SEC14L5: variants seen among roughly 807,000 people sequenced by gnomAD.
The protein encoded by SEC14L5 is SEC14 like lipid binding 5, also known as SEC14-like protein 5.
Under a neutral mutation model 84.6 loss-of-function variants are expected in SEC14L5, and 96 were observed. The observed-to-expected ratio is 1.13, with a 90% CI of 0.96 to 1.34. The LOEUF is 1.34. Among genes scored for constraint, SEC14L5 ranks in the 40% most tolerant of loss-of-function variants. The probability of loss-of-function intolerance (pLI) is 0.00; values close to 1 mark genes in which losing one functional copy is unlikely to be tolerated. For synonymous variants in SEC14L5, 546 were observed against 383.4 expected (o/e 1.42, Z -4.95); for missense variants, 1,224 against 942.5 (o/e 1.30, Z -3.91).
rs564625110 is a variant in SEC14L5 at position 5,004,582 on chromosome 16, G to A, written c.1302+1009G>A. Among the ~76,000 whole-genome samples the A allele has an allele frequency of 3.3e-5, 5 of 152,234 alleles. No homozygotes were observed. In the East Asian group the frequency reaches 9.7e-4, roughly 30 times the overall value. On this transcript the variant is annotated intron_variant, in intron 11 of 15. Transcript: ENST00000251170. ...AGAATCCTGGGGAAAGCTGGGACAG[G>A]GGTGGGGGCAGGGAGCTACTGGGGG...
At chr16:4,987,514 C>T (rs781246424) in intron 2 of SEC14L5, 43 bp from the exon 3 acceptor site, 3 of 1,441,020 alleles carry the variant, frequency 2.1e-6, no homozygotes, top group Non-Finnish European at 1.8e-6. Context: ...GGGGGTCCCT[C>T]TGCCCCCCCC....
intron 4 of SEC14L5, among the ~76,000 whole-genome samples, chr16:4,988,780 T>C (rs1434860427): frequency 6.6e-6 from 1 of 152,250 alleles, no homozygotes; most frequent in Admixed American, 6.5e-5. Context: ...ATCATAATTA[T>C]TCTCTAGTAT....
intron 15 of SEC14L5, among the ~76,000 whole-genome samples, chr16:5,013,994 G>A (rs2142539400): frequency 6.6e-6 from 1 of 152,328 alleles, no homozygotes; most frequent in Non-Finnish European, 1.5e-5. Context: ...CACCTGGCGA[G>A]GTTCTGCATC....
chr16:4,974,531 A>G (rs1410117073), intron 2 of SEC14L5, among the ~76,000 whole-genome samples: 1 of 151,976 alleles, frequency 6.6e-6, no homozygotes, highest in African/African-American at 2.4e-5. Flanking sequence ...AGGGTGGGCT[A>G]TATGATATGA....
In SEC14L5 at chr16:4,996,358, G is replaced by C; in HGVS notation, c.678G>C (p.Leu226=). Residue 226 remains leucine (L), a synonymous_variant, in exon 7 of 16, where the codon CTG becomes CTC. Coordinates refer to ENST00000251170, the MANE Select transcript of SEC14L5 (RefSeq NM_014692.2). The part of the protein sequence containing the change: ...LEAVSMDGDK[L]DADYIERCLG... ...CCCTTCTCCTCCAAGGGGACAAGCTGGATGCGGACTACATTGAGAGGTGCC... is the reference window on the plus strand; with the variant it reads ...CCCTTCTCCTCCAAGGGGACAAGCTCGATGCGGACTACATTGAGAGGTGCC... 2 of 1,555,472 alleles carry C rather than the reference G, an allele frequency of 1.3e-6. No homozygotes were observed. The highest frequency in any genetic ancestry group is 1.7e-6 in the Non-Finnish European group (2 of 1,148,950).
chr16:4,965,630 CA>C (rs1411057967), intron 2 of SEC14L5, among the ~76,000 whole-genome samples: 5 of 124,182 alleles, frequency 4.0e-5, no homozygotes, highest in African/African-American at 6.3e-5. Context: ...CACTGCACTC[CA>C]GCCTGGGCAA....
chr16:4,960,833 T>C (rs8054461), intron 2 of SEC14L5: 88,194 of 152,072 alleles, frequency 0.58, 26,602 homozygotes, highest in East Asian at 0.79. Flanking sequence ...TGATCGTTAC[T>C]GTTTTTGCAA....
chr16:4,988,713 G>A (rs985763629), intron 4 of SEC14L5, among the ~76,000 whole-genome samples: 1 of 152,110 alleles, frequency 6.6e-6, no homozygotes, highest in Non-Finnish European at 1.5e-5. Context: ...CTTTAGACCA[G>A]TGCCTGGCAC....
At chr16:4,965,855 A>T (rs79393207) in intron 2 of SEC14L5, among the ~76,000 whole-genome samples, 19,251 of 151,608 alleles carry the variant, frequency 0.13, 2,027 homozygotes, top group East Asian at 0.52. Context: ...CAGCCTGGGC[A>T]ACATAGGGAG....
intron 2 of SEC14L5, among the ~76,000 whole-genome samples, chr16:4,979,799 C>T (rs552692920): frequency 2.6e-5 from 4 of 152,244 alleles, no homozygotes; most frequent in South Asian, 2.1e-4. Context: ...TGGTTTCTGC[C>T]GAGGTCCCTC....
intron 14 of SEC14L5, among the ~76,000 whole-genome samples, chr16:5,010,054 G>T (rs1015507811): frequency 1.3e-5 from 2 of 151,872 alleles, no homozygotes; most frequent in Non-Finnish European, 2.9e-5. Context: ...AGAAACTGTA[G>T]GTCTTGGGCC....
chr16:4,958,676 G>A (rs1047020272), intron 1 of SEC14L5, among the ~76,000 whole-genome samples: 1 of 152,244 alleles, frequency 6.6e-6, no homozygotes, highest in Non-Finnish European at 1.5e-5. Flanking sequence ...GCACACCAGG[G>A]GAATTGCGTG....
In SEC14L5 at chr16:5,016,810, G is replaced by A. The variant is rs764261468; in HGVS notation, c.*1840G>A. 6.6e-6 allele frequency: 1 copy of A among 152,204 alleles called. No homozygotes were observed. Among genetic ancestry groups the A allele is most frequent in the Non-Finnish European group, 1.5e-5 (1 of 68,036 alleles). 9.4% of individuals were successfully genotyped at this position (152,204 alleles called of 1,614,324 possible). On this transcript the variant is annotated 3_prime_UTR_variant, in exon 16 of 16. Coordinates refer to ENST00000251170, the MANE Select transcript of SEC14L5 (RefSeq NM_014692.2). Reference sequence around the variant, plus strand: ...TTTCAGATACATCCTTCTTCCTGCTGGGAGAGAGCCTTGCCCACCTTCCTG... The same window carrying A: ...TTTCAGATACATCCTTCTTCCTGCTAGGAGAGAGCCTTGCCCACCTTCCTG...
chr16:4,987,498 G>GGA (rs751262036), intron 2 of SEC14L5, 59 bp from the exon 3 acceptor site: 95,048 of 587,080 alleles, frequency 0.16, 170 homozygotes, highest in Admixed American at 0.19. Flanking sequence ...AGGTCGCGCT[G>GGA]GGGGGGGGGG....
chr16:5,011,646 C>A (rs926896740), intron 15 of SEC14L5, among the ~76,000 whole-genome samples: 1 of 152,132 alleles, frequency 6.6e-6, no homozygotes, highest in Admixed American at 6.5e-5. Context: ...TTTAGACAAC[C>A]CTCCCCAAGT....
At position 5,005,976 on chromosome 16, in the gene SEC14L5, C is replaced by G. The variant is rs1955727240; in HGVS notation, c.1365C>G (p.Tyr455Ter). 2 of 1,613,192 alleles carry G rather than the reference C, an allele frequency of 1.2e-6. No homozygotes were observed. The highest frequency in any genetic ancestry group is 1.7e-6 in the Non-Finnish European group (2 of 1,179,586). Residue 455 changes from tyrosine (Y) to a stop codon, truncating the protein, a stop_gained, in exon 12 of 16, where the codon TAC (tyrosine) becomes TAG (stop). Coordinates refer to ENST00000251170, the MANE Select transcript of SEC14L5 (RefSeq NM_014692.2). LOFTEE classifies it high-confidence loss of function. ...RKFLIYSGSNYQGPGGLVDYL... is the reference protein window; with the variant it reads ...RKFLIYSGSN ...TCCTCATCTACAGTGGCAGCAACTA[C>G]CAGGGACCCGGAGGCCTTGTGGACT...
chr16:5,003,341 G>T (rs1955696607), intron 10 of SEC14L5, 61 bp from the exon 11 acceptor site: 1 of 1,313,920 alleles, frequency 7.6e-7, no homozygotes, highest in Non-Finnish European at 1.1e-6. Context: ...CCTGTGGGGA[G>T]GGTGTTGGTG....
At chr16:5,012,557 C>T (rs146755329) in intron 15 of SEC14L5, among the ~76,000 whole-genome samples, 59 of 152,292 alleles carry the variant, frequency 3.9e-4, no homozygotes, top group African/African-American at 1.2e-3. Context: ...CTATGGGCAG[C>T]GATGGATGCC....
At chr16:4,983,902 AAATAAAT>A (rs538072755) in intron 2 of SEC14L5, among the ~76,000 whole-genome samples, 2,123 of 141,826 alleles carry the variant, frequency 0.015, 24 homozygotes, top group Admixed American at 0.022. Flanking sequence ...ATAAATAAAT[AAATAAAT>A]AAATAAATAG....
Sources: allele counts gnomAD v4.1 joint callset (sites outside exome capture counted in the v4.1 genomes callset), GRCh38; gene constraint gnomAD v4.1.1; transcripts MANE v1.5; gene names NCBI Gene and HGNC (gene_info 2026-07-23, HGNC 2026-07-21).